Variants in ATP6V0A1 observed in about 807,000 individuals in gnomAD.
ATP6V0A1 encodes the protein V-type proton ATPase 116 kDa subunit a 1.
In ATP6V0A1, 43 loss-of-function variants were observed where a neutral mutation model predicts 105.4. The observed-to-expected ratio is 0.41, with a 90% CI of 0.32 to 0.53. The LOEUF is 0.53. Ranked by LOEUF, ATP6V0A1 falls within the 20% of genes least tolerant of loss-of-function variation. The pLI, the probability that ATP6V0A1 is intolerant of heterozygous loss-of-function variation, is 0.30. For missense variants in ATP6V0A1, 676 were observed against 1,051.1 expected (o/e 0.64, Z 4.93); for synonymous variants, 362 against 372.8 (o/e 0.97, Z 0.33).
intron 5 of ATP6V0A1, chr17:42,470,528 A>G (rs966065347): frequency 1.8e-5 from 4 of 220,118 alleles, no homozygotes; most frequent in Admixed American, 1.1e-4. Context: ...AGGTAAGTAT[A>G]TGCTTAAGGT....
rs906194746 is a variant in ATP6V0A1, at chr17:42,474,006, A to ATT, written c.424-3641_424-3640dup. ...ATGCTGGGGTTGTTTTCCCTCTCCT[A>ATT]TTTTTTTTTTTTTTGAGACAGAGTC... On this transcript the variant is annotated intron_variant, in intron 5 of 21. Transcript: ENST00000343619. 1.4e-4 allele frequency among the ~76,000 whole-genome samples: 19 copies of ATT among 137,958 alleles called. 1 individual carries two copies. The South Asian group carries it at 2.3e-3, about 17-fold the overall frequency. 90.5% of individuals were successfully genotyped at this position (137,958 alleles called of 152,430 possible).
chr17:42,503,956 A>T (rs546221868), intron 17 of ATP6V0A1, among the ~76,000 whole-genome samples: 3 of 152,262 alleles, frequency 2.0e-5, no homozygotes, highest in East Asian at 3.9e-4. Flanking sequence ...CTTAACACAT[A>T]CTCTTTTTTC....
chr17:42,482,895 CAAAAAAAAAA>C (rs71359573), intron 8 of ATP6V0A1, 133 bp from the exon 9 acceptor site: 3 of 148,378 alleles, frequency 2.0e-5, no homozygotes, highest in African/African-American at 9.6e-5. Context: ...AACTCTGTCT[CAAAAAAAAAA>C]AAAAAAAAAA....
At chr17:42,509,800 A>C (rs1226881097) in intron 19 of ATP6V0A1, 1 of 152,260 alleles carries the variant, frequency 6.6e-6, no homozygotes, top group Non-Finnish European at 1.5e-5. Flanking sequence ...GACATCCAAC[A>C]AGATAGACTC....
In ATP6V0A1 at chr17:42,500,662, C is replaced by T. The variant is rs1443914424; in HGVS notation, c.1680-45C>T. 7 of 1,494,270 alleles carry T rather than the reference C, an allele frequency of 4.7e-6. No individual in the cohort carries two copies. The Admixed American group carries it at 8.4e-5, about 18-fold the overall frequency. The allele number at this position is 1,494,270 out of a possible 1,614,324, so 92.6% of individuals were successfully genotyped here. On this transcript the variant is annotated intron_variant, in intron 15 of 21. Transcript: ENST00000343619. ...ATACTCCATTCAGTGTAGGAGTGGC[C>T]CTAGGCCCATTTACCCTTAACATTT...
chr17:42,471,598 G>A (rs534438061), intron 5 of ATP6V0A1, among the ~76,000 whole-genome samples: 121 of 151,982 alleles, frequency 8.0e-4, no homozygotes, highest in Non-Finnish European at 1.6e-3. Flanking sequence ...GACAGGCATC[G>A]TGGTGCACAC....
intron 19 of ATP6V0A1, 31 bp downstream of exon 19, chr17:42,508,620 T>G (rs1481298140): frequency 1.2e-6 from 2 of 1,613,752 alleles, no homozygotes; most frequent in Middle Eastern, 1.6e-4. Flanking sequence ...GCCTTCGTGT[T>G]TATCCGGGCT....
At chr17:42,506,568 T>G (rs544178757) in intron 17 of ATP6V0A1, among the ~76,000 whole-genome samples, 1 of 152,366 alleles carries the variant, frequency 6.6e-6, no homozygotes, top group South Asian at 2.1e-4. Flanking sequence ...GCCCTTGAGC[T>G]CTTGCCTTGT....
At chr17:42,486,835 C>G (rs542096674) in intron 9 of ATP6V0A1, among the ~76,000 whole-genome samples, 1 of 152,168 alleles carries the variant, frequency 6.6e-6, no homozygotes, top group Non-Finnish European at 1.5e-5. Context: ...CATAGAAAGT[C>G]GTTGCTCTTT....
At chr17:42,496,305 C>G (rs868352712) in intron 14 of ATP6V0A1, 7 of 152,196 alleles carry the variant, frequency 4.6e-5, no homozygotes, top group African/African-American at 1.7e-4. Flanking sequence ...TAATTTATTT[C>G]TGCTTACTTA....
Position 42,463,069 on chromosome 17 carries a change from G to T in ATP6V0A1, c.117+2058G>T, listed in dbSNP as rs552508709. Among the ~76,000 whole-genome samples the T allele has an allele frequency of 2.1e-3, 280 of 136,340 alleles. 1 individual carries two copies. The highest frequency in any genetic ancestry group is 3.6e-3 in the Non-Finnish European group (232 of 64,824). The allele number at this position is 136,340 out of a possible 152,430, so 89.4% of individuals were successfully genotyped here. A position where few individuals can be genotyped will look rare whatever the true frequency, so the allele number is the denominator to read the frequency against. On this transcript the variant is annotated intron_variant, in intron 2 of 21. Coordinates refer to ENST00000343619, the MANE Select transcript of ATP6V0A1 (RefSeq NM_001130021.3). Reference sequence around the variant, plus strand: ...CGCCCAGGCTGGAGTGTAGTGGTGCGATCTTGGCTCACTGCAACCTCCGTC... The same window carrying T: ...CGCCCAGGCTGGAGTGTAGTGGTGCTATCTTGGCTCACTGCAACCTCCGTC...
At chr17:42,505,841 G>A (rs915587480) in intron 17 of ATP6V0A1, among the ~76,000 whole-genome samples, 5 of 150,148 alleles carry the variant, frequency 3.3e-5, no homozygotes, top group Non-Finnish European at 7.4e-5. Flanking sequence ...AAGATGGAGT[G>A]CAGTGGTATG....
At chr17:42,510,202 C>G (rs921943529) in intron 19 of ATP6V0A1, 11 of 152,412 alleles carry the variant, frequency 7.2e-5, no homozygotes, top group African/African-American at 2.7e-4. Context: ...CACCTCTCCC[C>G]ACTGTCTCCT....
At chr17:42,491,190 G>A (rs751006931) in intron 11 of ATP6V0A1, among the ~76,000 whole-genome samples, 2 of 152,046 alleles carry the variant, frequency 1.3e-5, no homozygotes, top group Non-Finnish European at 2.9e-5. Flanking sequence ...GATTACAGGT[G>A]TGACCCACTA....
intron 19 of ATP6V0A1, among the ~76,000 whole-genome samples, chr17:42,512,136 G>T (rs985857966): frequency 6.6e-6 from 1 of 152,156 alleles, no homozygotes; most frequent in Non-Finnish European, 1.5e-5. Flanking sequence ...GGTCATGGCC[G>T]ATTGATACGG....
At chr17:42,463,638 T>C (rs2086698013) in intron 2 of ATP6V0A1, among the ~76,000 whole-genome samples, 1 of 152,178 alleles carries the variant, frequency 6.6e-6, no homozygotes, top group Non-Finnish European at 1.5e-5. Flanking sequence ...ATCATAAAAG[T>C]CTTTTTTTTA....
intron 10 of ATP6V0A1, among the ~76,000 whole-genome samples, chr17:42,487,892 A>G (rs1461255989): frequency 2.0e-5 from 3 of 152,138 alleles, no homozygotes; most frequent in Admixed American, 6.6e-5. Flanking sequence ...GTAGCATAGC[A>G]TATCTTTATT....
chr17:42,481,524 A>C (rs1257064801), intron 8 of ATP6V0A1, among the ~76,000 whole-genome samples: 5 of 151,768 alleles, frequency 3.3e-5, no homozygotes. Context: ...GCCTGGCCCT[A>C]AATTCATTTT....
intron 6 of ATP6V0A1, 148 bp downstream of exon 6, chr17:42,477,890 C>A: frequency 1.5e-6 from 1 of 653,892 alleles, no homozygotes; most frequent in Non-Finnish European, 2.5e-6. Context: ...GGATTCATGC[C>A]TGAGTTGCTC....
Sources: allele counts gnomAD v4.1 joint callset (sites outside exome capture counted in the v4.1 genomes callset), GRCh38; gene constraint gnomAD v4.1.1; transcripts MANE v1.5; gene names NCBI Gene and HGNC (gene_info 2026-07-23, HGNC 2026-07-21).